The following DCLK1 variants were observed in gnomAD, a reference collection of about 807,000 sequenced individuals.
DCLK1 encodes the protein serine/threonine-protein kinase DCLK1.
In DCLK1, 16 loss-of-function variants were observed where a neutral mutation model predicts 86.2. The observed-to-expected ratio is 0.19, with a 90% CI of 0.13 to 0.28. DCLK1 has a LOEUF of 0.28. Ranked by LOEUF, DCLK1 falls within the 10% of genes least tolerant of loss-of-function variation. DCLK1 has a pLI of 1.00. For synonymous variants in DCLK1, 369 were observed against 370.5 expected, an observed-to-expected ratio of 1.00 and a Z score of 0.05; for missense variants, 590 against 940.2, an observed-to-expected ratio of 0.63 and a Z score of 4.87.
intron 4 of DCLK1, among the ~76,000 whole-genome samples, chr13:35,887,424 T>C (rs567207458): frequency 6.6e-6 from 1 of 152,294 alleles, no homozygotes; most frequent in East Asian, 1.9e-4. Context: ...ATAAGTGACC[T>C]GCTGTCCTGT....
chr13:36,068,387 G>C (rs148182595), intron 3 of DCLK1, among the ~76,000 whole-genome samples: 1 of 152,256 alleles, frequency 6.6e-6, no homozygotes, highest in African/African-American at 2.4e-5. Flanking sequence ...ACAGTAAAAA[G>C]AACTGCTTGG....
intron 3 of DCLK1, among the ~76,000 whole-genome samples, chr13:36,096,129 G>A (rs1885013459): frequency 6.6e-6 from 1 of 152,082 alleles, no homozygotes; most frequent in African/African-American, 2.4e-5. Context: ...TGGTTCTTTG[G>A]AGAGACAGAT....
intron 3 of DCLK1, among the ~76,000 whole-genome samples, chr13:35,961,785 C>T (rs17053256): frequency 0.028 from 4,194 of 152,242 alleles, 191 homozygotes; most frequent in African/African-American, 0.096. Flanking sequence ...AGTTATTCAA[C>T]GCAAATCTCA....
chr13:35,989,412 C>G (rs959402380), intron 3 of DCLK1, among the ~76,000 whole-genome samples: 4 of 151,996 alleles, frequency 2.6e-5, no homozygotes, highest in Non-Finnish European at 5.9e-5. Context: ...TCTGGGATTA[C>G]AGGTGCTCAC....
At chr13:35,876,981 G>C (rs1334846045) in intron 4 of DCLK1, among the ~76,000 whole-genome samples, 1 of 152,158 alleles carries the variant, frequency 6.6e-6, no homozygotes, top group Non-Finnish European at 1.5e-5. Context: ...CAAAGGACAG[G>C]AAATCAGACC....
At chr13:35,917,459 C>G (rs369338903) in intron 4 of DCLK1, among the ~76,000 whole-genome samples, 3 of 152,078 alleles carry the variant, frequency 2.0e-5, no homozygotes, top group Non-Finnish European at 2.9e-5. Context: ...GTGGCACACC[C>G]GGCTCTCCAA....
chr13:35,855,657 C>G, intron 5 of DCLK1: 1 of 1,445,280 alleles, frequency 6.9e-7, no homozygotes, highest in African/African-American at 1.4e-5. Flanking sequence ...CCAGAGCAGG[C>G]TGAATGAGAT....
rs2086353090 is a variant in DCLK1, at chr13:35,772,633, T to A, written c.*1902A>T. ...TAATTTACTGATTTATGCTACTTTG[T>A]GATTTTGCGTGTTATCACTTCCGGA... On this transcript the variant is annotated 3_prime_UTR_variant, in exon 17 of 17. Coordinates refer to ENST00000360631, the MANE Select transcript of DCLK1 (RefSeq NM_001330071.2). The A allele has an allele frequency of 6.6e-6, 1 of 151,188 alleles. No individual in the cohort carries two copies. The highest frequency in any genetic ancestry group is 1.5e-5 in the Non-Finnish European group (1 of 67,896). The allele number at this position is 151,188 out of a possible 1,614,324, so 9.4% of individuals were successfully genotyped here. A position where few individuals can be genotyped will look rare whatever the true frequency, so the allele number is the denominator to read the frequency against.
chr13:35,930,150 C>A (rs913034132), intron 4 of DCLK1, among the ~76,000 whole-genome samples: 1 of 152,206 alleles, frequency 6.6e-6, no homozygotes, highest in Non-Finnish European at 1.5e-5. Flanking sequence ...AGATATTTAA[C>A]TTTCCAGAAC....
intron 3 of DCLK1, among the ~76,000 whole-genome samples, chr13:35,981,247 T>C (rs918482462): frequency 3.3e-5 from 5 of 152,098 alleles, no homozygotes; most frequent in African/African-American, 9.7e-5. Flanking sequence ...TGTGACAGGC[T>C]TATATCGCTT....
chr13:35,935,092 G>A (rs1373754906), intron 4 of DCLK1, among the ~76,000 whole-genome samples: 4 of 152,130 alleles, frequency 2.6e-5, no homozygotes, highest in Non-Finnish European at 5.9e-5. Context: ...AGGAGAAGAG[G>A]AAAAAGAGCA....
At chr13:36,026,896 C>T (rs1882056059) in intron 3 of DCLK1, among the ~76,000 whole-genome samples, 1 of 152,110 alleles carries the variant, frequency 6.6e-6, no homozygotes. Context: ...ATCAGCATCC[C>T]TCATTAATCC....
chr13:35,784,309 A>T (rs1381072673), intron 16 of DCLK1, among the ~76,000 whole-genome samples: 1 of 152,216 alleles, frequency 6.6e-6, no homozygotes, highest in African/African-American at 2.4e-5. Context: ...CATTTTTAGT[A>T]ATAAGTAAGC....
chr13:36,038,790 T>G (rs1373462186), intron 3 of DCLK1, among the ~76,000 whole-genome samples: 1 of 152,180 alleles, frequency 6.6e-6, no homozygotes, highest in Non-Finnish European at 1.5e-5. Context: ...TTAGACACTA[T>G]TTTTCTTTTT....
chr13:36,075,149 T>C (rs1209829280), intron 3 of DCLK1, among the ~76,000 whole-genome samples: 2 of 152,214 alleles, frequency 1.3e-5, no homozygotes, highest in East Asian at 3.8e-4. Flanking sequence ...GCATCAAAAA[T>C]TTGTGTCTCA....
intron 11 of DCLK1, among the ~76,000 whole-genome samples, chr13:35,814,727 T>A (rs985281017): frequency 3.9e-5 from 6 of 152,246 alleles, no homozygotes; most frequent in Non-Finnish European, 8.8e-5. Flanking sequence ...TGAGGGGCTA[T>A]TAAAGGGACA....
At chr13:36,082,392 T>C (rs1055828153) in intron 3 of DCLK1, among the ~76,000 whole-genome samples, 2 of 152,236 alleles carry the variant, frequency 1.3e-5, no homozygotes, top group African/African-American at 4.8e-5. Flanking sequence ...ATTGACTGCT[T>C]ATGTTATCGG....
chr13:35,787,862 C>T, intron 16 of DCLK1: 1 of 334,448 alleles, frequency 3.0e-6, no homozygotes, highest in Admixed American at 4.5e-5. Context: ...TGCTATTGTT[C>T]TTCCATTTGT....
At chr13:35,806,486 G>C (rs1000403900) in intron 14 of DCLK1, among the ~76,000 whole-genome samples, 1 of 152,148 alleles carries the variant, frequency 6.6e-6, no homozygotes, top group African/African-American at 2.4e-5. Context: ...GGGTCTTAAC[G>C]ATGAGTATGC....
Sources: allele counts gnomAD v4.1 joint callset (sites outside exome capture counted in the v4.1 genomes callset), GRCh38; gene constraint gnomAD v4.1.1; transcripts MANE v1.5; gene names NCBI Gene and HGNC (gene_info 2026-07-23, HGNC 2026-07-21).